The following RBFOX1 variants were observed in gnomAD, a reference collection of about 807,000 sequenced individuals.
RBFOX1 encodes the protein RNA binding protein fox-1 homolog 1.
RBFOX1 carries 8 observed loss-of-function variants against 57.7 expected under a neutral mutation model. The ratio of observed to expected loss-of-function variants is 0.14; its 90% CI spans 0.08 to 0.25. The LOEUF (loss-of-function observed/expected upper bound fraction) is 0.25, where lower values mean the gene tolerates loss of function less well. Among genes scored for constraint, RBFOX1 ranks in the 10% least tolerant of loss-of-function variants. The pLI, the probability that RBFOX1 is intolerant of heterozygous loss-of-function variation, is 1.00. For synonymous variants in RBFOX1, 326 were observed against 222.4 expected (o/e 1.47, Z -4.15); for missense variants, 611 against 548.5 (o/e 1.11, Z -1.14).
chr16:5,396,791 CT>C (rs2151430183), intron 1 of RBFOX1, among the ~76,000 whole-genome samples: 1 of 152,294 alleles, frequency 6.6e-6, no homozygotes, highest in Non-Finnish European at 1.5e-5. Context: ...ATTTTATTAT[CT>C]CCTTGAAGCC....
At chr16:5,674,241 T>C (rs2050100822) in intron 3 of RBFOX1, among the ~76,000 whole-genome samples, 1 of 152,234 alleles carries the variant, frequency 6.6e-6, no homozygotes, top group Admixed American at 6.5e-5. Flanking sequence ...GAAAATCTTT[T>C]AAAGCAATTG....
intron 3 of RBFOX1, among the ~76,000 whole-genome samples, chr16:5,640,711 A>C (rs1314356385): frequency 1.3e-5 from 2 of 151,692 alleles, no homozygotes; most frequent in Non-Finnish European, 2.9e-5. Flanking sequence ...CTATGCACAC[A>C]CGTACACTAT....
At chr16:6,938,257 C>T (rs1032080215) in intron 3 of RBFOX1, among the ~76,000 whole-genome samples, 2 of 152,130 alleles carry the variant, frequency 1.3e-5, no homozygotes, top group East Asian at 1.9e-4. Flanking sequence ...GTTGCAGATA[C>T]AATAATGCTG....
At chr16:5,849,577 G>T (rs771169571) in intron 3 of RBFOX1, among the ~76,000 whole-genome samples, 158 of 152,088 alleles carry the variant, frequency 1.0e-3, no homozygotes, top group Non-Finnish European at 1.9e-3. Context: ...TCAAGTCTTG[G>T]TTTTTCTGAC....
intron 4 of RBFOX1, among the ~76,000 whole-genome samples, chr16:7,178,607 C>G (rs1264938592): frequency 1.3e-5 from 2 of 152,154 alleles, no homozygotes; most frequent in Admixed American, 6.5e-5. Context: ...AACCAGTTAT[C>G]TACATAAGTG....
intron 3 of RBFOX1, among the ~76,000 whole-genome samples, chr16:6,820,996 AG>A (rs2091198869): frequency 6.6e-6 from 1 of 152,226 alleles, no homozygotes; most frequent in South Asian, 2.1e-4. Context: ...GTTACTTGTA[AG>A]GGAGTCTTAG....
intron 3 of RBFOX1, among the ~76,000 whole-genome samples, chr16:6,688,909 C>G (rs2059825167): frequency 6.6e-6 from 1 of 152,140 alleles, no homozygotes; most frequent in African/African-American, 2.4e-5. Flanking sequence ...GTTCCTGTGT[C>G]AGTTTCCTGA....
intron 1 of RBFOX1, among the ~76,000 whole-genome samples, chr16:5,292,659 C>G (rs1007650273): frequency 1.3e-5 from 2 of 152,048 alleles, no homozygotes; most frequent in African/African-American, 4.8e-5. Context: ...TAATCTCTCT[C>G]TGTCACCAGG....
At chr16:5,529,729 G>A (rs1490264277) in intron 2 of RBFOX1, among the ~76,000 whole-genome samples, 1 of 152,010 alleles carries the variant, frequency 6.6e-6, no homozygotes, top group Non-Finnish European at 1.5e-5. Context: ...ACCACGCCTG[G>A]CTAATTTTTT....
At chr16:6,046,033 G>T (rs576100486) in intron 1 of RBFOX1, among the ~76,000 whole-genome samples, 1 of 152,328 alleles carries the variant, frequency 6.6e-6, no homozygotes, top group East Asian at 1.9e-4. Context: ...CAGAGGATAA[G>T]GACTTTGAGT....
chr16:7,309,359 C>T (rs1352118709), intron 4 of RBFOX1, among the ~76,000 whole-genome samples: 1 of 152,238 alleles, frequency 6.6e-6, no homozygotes, highest in African/African-American at 2.4e-5. Context: ...GCCACCTGGG[C>T]TGCCTCTGCT....
At chr16:6,738,285 A>T (rs1053401202) in intron 3 of RBFOX1, among the ~76,000 whole-genome samples, 2 of 152,024 alleles carry the variant, frequency 1.3e-5, no homozygotes, top group Non-Finnish European at 2.9e-5. Flanking sequence ...TTACTGCTTT[A>T]AGAGTTTCCA....
chr16:6,695,973 A>T (rs895212852), intron 3 of RBFOX1, among the ~76,000 whole-genome samples: 2 of 152,194 alleles, frequency 1.3e-5, no homozygotes, highest in African/African-American at 2.4e-5. Flanking sequence ...TTTTAAAGAG[A>T]TGTACAGACA....
At chr16:7,634,833 G>T (rs1312076135) in intron 11 of RBFOX1, among the ~76,000 whole-genome samples, 4 of 152,044 alleles carry the variant, frequency 2.6e-5, no homozygotes, top group Non-Finnish European at 5.9e-5. Context: ...GTGTAAAATG[G>T]GCCTGCTTTC....
intron 3 of RBFOX1, among the ~76,000 whole-genome samples, chr16:6,947,666 C>G (rs2079835071): frequency 6.6e-6 from 1 of 152,174 alleles, no homozygotes; most frequent in Admixed American, 6.5e-5. Flanking sequence ...ATCGTTATCT[C>G]CTTGGGAAAG....
At chr16:7,623,023 C>T (rs2059549036) in intron 10 of RBFOX1, among the ~76,000 whole-genome samples, 2 of 152,176 alleles carry the variant, frequency 1.3e-5, no homozygotes, top group South Asian at 4.1e-4. Context: ...CAATTGAAAG[C>T]AGTCACCTCC....
At chr16:7,358,483 C>T (rs1380721242) in intron 4 of RBFOX1, among the ~76,000 whole-genome samples, 2 of 151,936 alleles carry the variant, frequency 1.3e-5, no homozygotes, top group Admixed American at 6.6e-5. Flanking sequence ...TGCAGCGGCG[C>T]GATCTCAGCT....
chr16:6,610,047 A>AAAACAAAAC, intron 2 of RBFOX1, among the ~76,000 whole-genome samples: 1 of 104,846 alleles, frequency 9.5e-6, no homozygotes, highest in African/African-American at 3.3e-5. Context: ...CAAAACAAAA[A>AAAACAAAAC]CCCACTAACA....
At chr16:6,150,255 G>T (rs2096788247) in intron 1 of RBFOX1, among the ~76,000 whole-genome samples, 1 of 152,098 alleles carries the variant, frequency 6.6e-6, no homozygotes. Flanking sequence ...CTCAATTTTG[G>T]ATTAACAGAA....
Sources: gnomAD v4.1 joint callset for allele counts (sites outside exome capture counted in the v4.1 genomes callset) on GRCh38, gnomAD v4.1.1 for gene constraint, MANE v1.5 for transcripts, NCBI Gene and HGNC (gene_info 2026-07-23, HGNC 2026-07-21) for gene names.